TMEM131L: variants seen among roughly 807,000 people sequenced by gnomAD.
TMEM131L encodes the protein transmembrane protein 131-like.
Under a neutral mutation model 192.2 loss-of-function variants are expected in TMEM131L, and 54 were observed. The observed-to-expected ratio is 0.28, with a 90% CI of 0.23 to 0.35. TMEM131L has a LOEUF of 0.35. TMEM131L is among the 10% of genes least tolerant of loss of function. The pLI is 1.00. For missense variants in TMEM131L, 1,888 were observed against 1,972.9 expected (o/e 0.96, Z 0.82); for synonymous variants, 701 against 704.9 (o/e 0.99, Z 0.09).
chr4:153,614,911 G>C (rs1187932325), intron 26 of TMEM131L, among the ~76,000 whole-genome samples: 1 of 152,162 alleles, frequency 6.6e-6, no homozygotes, highest in East Asian at 1.9e-4. Flanking sequence ...GCATACAGGA[G>C]AGGAGTCATT....
intron 3 of TMEM131L, among the ~76,000 whole-genome samples, chr4:153,546,795 C>T (rs1580184736): frequency 6.6e-6 from 1 of 152,154 alleles, no homozygotes; most frequent in Non-Finnish European, 1.5e-5. Flanking sequence ...GACCTAATGG[C>T]GCATGCCTGT....
At chr4:153,587,647 G>A (rs1023709008) in intron 14 of TMEM131L, 95 bp from the exon 15 acceptor site, 9 of 890,108 alleles carry the variant, frequency 1.0e-5, no homozygotes, top group Admixed American at 7.1e-5. Flanking sequence ...AGTTCACTGA[G>A]GTGCAGACCA....
chr4:153,510,986 T>C (rs1395204710), intron 3 of TMEM131L, among the ~76,000 whole-genome samples: 1 of 152,238 alleles, frequency 6.6e-6, no homozygotes, highest in Non-Finnish European at 1.5e-5. Context: ...CATATTACTT[T>C]TGTTCAAAAA....
chr4:153,604,511 G>C, intron 25 of TMEM131L, 81 bp downstream of exon 25: 9 of 1,355,222 alleles, frequency 6.6e-6, no homozygotes, highest in Middle Eastern at 1.9e-4. Flanking sequence ...ACCTGTGACC[G>C]TTAGTTTTAA....
At chr4:153,528,132 A>T (rs1010167351) in intron 3 of TMEM131L, among the ~76,000 whole-genome samples, 1 of 152,200 alleles carries the variant, frequency 6.6e-6, no homozygotes, top group East Asian at 1.9e-4. Flanking sequence ...ACATTTTGAA[A>T]GCCTCAGTTT....
intron 7 of TMEM131L, among the ~76,000 whole-genome samples, chr4:153,576,653 A>G (rs1047187596): frequency 6.6e-5 from 10 of 151,326 alleles, no homozygotes; most frequent in African/African-American, 2.0e-4. Context: ...ACCTTAACAT[A>G]GTTAAATTGT....
At chr4:153,466,615 A>T in intron 1 of TMEM131L, 94 bp downstream of exon 1, 1 of 1,159,108 alleles carries the variant, frequency 8.6e-7, no homozygotes, top group Non-Finnish European at 1.1e-6. Flanking sequence ...GGGCGAGGGG[A>T]GGAAAGGGAA....
In TMEM131L at chr4:153,602,141, G is replaced by T. The variant is rs1319335634; in HGVS notation, c.2267-11G>T. On this transcript the variant is annotated splice_polypyrimidine_tract_variant and intron_variant, in intron 21 of 34. Coordinates refer to ENST00000409959, the MANE Select transcript of TMEM131L (RefSeq NM_001131007.2). ...CACATATACTAAATATCTTTTTTTG[G>T]TTCCCATTAGAACTGAAAGACAGTA... 6 of 1,463,098 alleles carry T rather than the reference G, an allele frequency of 4.1e-6. No homozygotes were observed. Among genetic ancestry groups the T allele is most frequent in the Admixed American group, 2.3e-5 (1 of 44,272 alleles). 90.6% of individuals were successfully genotyped at this position (1,463,098 alleles called of 1,614,324 possible). A position where few individuals can be genotyped will look rare whatever the true frequency, so the allele number is the denominator to read the frequency against.
chr4:153,620,800 A>T lies in TMEM131L; in HGVS notation c.3612A>T (p.Glu1204Asp), dbSNP rs775464643. 6.3e-7 allele frequency: 1 copy of T among 1,584,418 alleles called. No homozygotes were observed. Among genetic ancestry groups the T allele is most frequent in the Admixed American group, 1.8e-5 (1 of 56,650 alleles). Residue 1204 changes from glutamate to aspartate, a missense_variant, in exon 27 of 35, where the codon GAA (glutamate) becomes GAT (aspartate). By Grantham distance (45) the Glu-to-Asp change is conservative (BLOSUM62 2). Transcript: ENST00000409959. ...AGAAAAAGCTTCAGGAGAAAAGAGA[A>T]GGAAATTTACAAAATTTAAATTGGA... ...YRKKKLQEKR[E>D]GNLQNLNWSK... is the part of the protein sequence containing the mutation.
intron 7 of TMEM131L, among the ~76,000 whole-genome samples, chr4:153,577,740 A>T (rs1730053540): frequency 6.6e-6 from 1 of 152,106 alleles, no homozygotes; most frequent in African/African-American, 2.4e-5. Flanking sequence ...GTTTGAGGAG[A>T]GTATGAGAAG....
intron 3 of TMEM131L, among the ~76,000 whole-genome samples, chr4:153,494,885 G>T (rs936459608): frequency 1.3e-5 from 2 of 152,172 alleles, no homozygotes; most frequent in Non-Finnish European, 2.9e-5. Flanking sequence ...GTGACCTGCC[G>T]GGGCTCCTGC....
chr4:153,544,220 G>A (rs1737003076), intron 3 of TMEM131L, among the ~76,000 whole-genome samples: 1 of 152,220 alleles, frequency 6.6e-6, no homozygotes, highest in Non-Finnish European at 1.5e-5. Flanking sequence ...TGGAAACCCA[G>A]ACAGTTCAGT....
intron 26 of TMEM131L, among the ~76,000 whole-genome samples, chr4:153,618,339 T>C (rs1733140735): frequency 6.6e-6 from 1 of 151,766 alleles, no homozygotes; most frequent in African/African-American, 2.4e-5. Flanking sequence ...TAGCTGGGCA[T>C]GGTGGCACTT....
intron 3 of TMEM131L, among the ~76,000 whole-genome samples, chr4:153,520,635 G>C (rs773564649): frequency 2.6e-5 from 4 of 152,162 alleles, no homozygotes; most frequent in Non-Finnish European, 2.9e-5. Context: ...CAGTAATTTG[G>C]GGGCAAAGTT....
At chr4:153,581,075 A>T (rs1730304117) in intron 8 of TMEM131L, among the ~76,000 whole-genome samples, 172 bp downstream of exon 8, 1 of 152,174 alleles carries the variant, frequency 6.6e-6, no homozygotes, top group Admixed American at 6.5e-5. Flanking sequence ...AACACGGTGA[A>T]ACTCCGTCTC....
At chr4:153,624,279 C>T (rs911022293) in intron 29 of TMEM131L, among the ~76,000 whole-genome samples, 1 of 151,932 alleles carries the variant, frequency 6.6e-6, no homozygotes, top group African/African-American at 2.4e-5. Context: ...CCACCATGCC[C>T]GTCTAATTTT....
intron 3 of TMEM131L, among the ~76,000 whole-genome samples, chr4:153,521,860 GTGT>G (rs1735139076): frequency 1.0e-5 from 1 of 97,358 alleles, no homozygotes; most frequent in Non-Finnish European, 2.1e-5. Context: ...TGTGTTTTCT[GTGT>G]TTTTTTTTTT....
At chr4:153,611,149 T>C (rs140117188) in intron 25 of TMEM131L, among the ~76,000 whole-genome samples, 30 of 152,376 alleles carry the variant, frequency 2.0e-4, no homozygotes, top group African/African-American at 7.0e-4. Flanking sequence ...TGTTGGCTCC[T>C]CTGCCGATTG....
In TMEM131L at chr4:153,636,315, C is replaced by G. The variant is rs1734568581; in HGVS notation, c.4572C>G (p.Ser1524Arg). ...TTATACTTCAGCCCTACCTCACAAG[C>G]ACCCGAAGCTTGTCTCCAATGTCTG... ...SFISSPPYLT[S>R]TRSLSPMSGL... Residue 1524 changes from serine (S) to arginine (R), a missense_variant, in exon 35 of 35, where the codon AGC becomes AGG. Ser to Arg is a moderately radical substitution (Grantham distance 110). Transcript: ENST00000409959. The G allele has an allele frequency of 6.2e-7, 1 of 1,613,466 alleles. No individual in the cohort carries two copies. The highest frequency in any genetic ancestry group is 1.3e-5 in the African/African-American group (1 of 74,998).
Sources: allele counts gnomAD v4.1 joint callset (sites outside exome capture counted in the v4.1 genomes callset), GRCh38; gene constraint gnomAD v4.1.1; transcripts MANE v1.5; gene names NCBI Gene and HGNC (gene_info 2026-07-23, HGNC 2026-07-21).